Variants in NAALADL2 observed in about 807,000 individuals in gnomAD.
The protein encoded by NAALADL2 is inactive N-acetylated-alpha-linked acidic dipeptidase-like protein 2.
A neutral mutation model predicts 87.2 loss-of-function variants in NAALADL2; 76 were observed. The ratio of observed to expected loss-of-function variants is 0.87; its 90% CI spans 0.72 to 1.05. NAALADL2 has a LOEUF of 1.05. Among genes scored for constraint, NAALADL2 ranks in the 50% least tolerant of loss-of-function variants. The probability of loss-of-function intolerance (pLI) is 0.00; values close to 1 mark genes in which losing one functional copy is unlikely to be tolerated. For synonymous variants in NAALADL2, 354 were observed against 331.0 expected, an observed-to-expected ratio of 1.07 and a Z score of -0.75; for missense variants, 1,089 against 945.8, an observed-to-expected ratio of 1.15 and a Z score of -1.99.
At chr3:174,896,116 G>A (rs941371585) in intron 1 of NAALADL2, among the ~76,000 whole-genome samples, 16 of 151,910 alleles carry the variant, frequency 1.1e-4, no homozygotes, top group Admixed American at 3.9e-4. Flanking sequence ...CACTAAAACC[G>A]GAACAAGCCA....
At chr3:175,242,335 A>T (rs1302499691) in intron 3 of NAALADL2, 1 of 152,216 alleles carries the variant, frequency 6.6e-6, no homozygotes, top group East Asian at 1.9e-4. Context: ...GTTTTAATTT[A>T]TACAAAATGC....
chr3:174,924,239 G>A (rs2108372163), intron 1 of NAALADL2, among the ~76,000 whole-genome samples: 1 of 123,206 alleles, frequency 8.1e-6, no homozygotes, highest in South Asian at 2.6e-4. Context: ...AGGCCCCGGT[G>A]CGTGATGTCC....
rs10662446 is a variant in NAALADL2, at chr3:175,036,804, C to CTTTTT, written c.44-59970_44-59966dup. On this transcript the variant is annotated intron_variant, in intron 1 of 13. Coordinates refer to ENST00000454872, the MANE Select transcript of NAALADL2 (RefSeq NM_207015.3). ...CCAGTGTCATATTTTTCCATCTGTT[C>CTTTTT]TTTTTTTTTTTTTTTTTTTTAGCGT... Among the ~76,000 whole-genome samples the CTTTTT allele has an allele frequency of 1.9e-3, 218 of 117,326 alleles. 4 individuals carry two copies. The highest frequency in any genetic ancestry group is 5.0e-3 in the African/African-American group (151 of 30,440). The allele number at this position is 117,326 out of a possible 152,430, so 77.0% of individuals were successfully genotyped here. A position where few individuals can be genotyped will look rare whatever the true frequency, so the allele number is the denominator to read the frequency against.
At chr3:175,197,902 A>G (rs1397722876) in intron 2 of NAALADL2, among the ~76,000 whole-genome samples, 1 of 152,076 alleles carries the variant, frequency 6.6e-6, no homozygotes, top group Admixed American at 6.6e-5. Context: ...TGAACCCTGC[A>G]ACACAGTGCA....
intron 13 of NAALADL2, among the ~76,000 whole-genome samples, chr3:175,757,081 C>A (rs1384753076): frequency 1.3e-5 from 2 of 151,346 alleles, no homozygotes; most frequent in Non-Finnish European, 3.0e-5. Context: ...AAATTTGTGG[C>A]CCTTTAAGAA....
intron 3 of NAALADL2, among the ~76,000 whole-genome samples, chr3:174,832,941 G>C (rs77122793): frequency 6.6e-6 from 1 of 152,064 alleles, no homozygotes; most frequent in South Asian, 2.1e-4. Flanking sequence ...ATGTATATTA[G>C]CATTTATATT....
intron 5 of NAALADL2, among the ~76,000 whole-genome samples, chr3:175,368,928 A>G (rs138120547): frequency 1.7e-3 from 262 of 152,274 alleles, no homozygotes; most frequent in Admixed American, 4.2e-3. Flanking sequence ...ACCCCTGTAT[A>G]GGGCACTTTT....
chr3:175,058,739 G>A (rs1404290304), intron 1 of NAALADL2, among the ~76,000 whole-genome samples: 1 of 152,176 alleles, frequency 6.6e-6, no homozygotes, highest in Non-Finnish European at 1.5e-5. Context: ...TGAGGTCTAA[G>A]GAAAGGCTTT....
chr3:174,992,048 G>A lies in NAALADL2; in HGVS notation c.44-104742G>A, dbSNP rs554004974. ...AACTCCATGATTTAAATGGCATAGTGAGCCATTAGAGCAATTACTTTTGGT... is the reference window on the plus strand; with the variant it reads ...AACTCCATGATTTAAATGGCATAGTAAGCCATTAGAGCAATTACTTTTGGT... On this transcript the variant is annotated intron_variant, in intron 1 of 13. Coordinates refer to ENST00000454872, the MANE Select transcript of NAALADL2 (RefSeq NM_207015.3). Among the ~76,000 whole-genome samples, 25 of 152,016 alleles carry A rather than the reference G, an allele frequency of 1.6e-4. No individual in the cohort carries two copies. In the South Asian group the frequency reaches 4.1e-3, roughly 25 times the overall value.
chr3:175,569,342 T>C (rs1717684322), intron 9 of NAALADL2, among the ~76,000 whole-genome samples: 2 of 152,220 alleles, frequency 1.3e-5, no homozygotes, highest in Non-Finnish European at 2.9e-5. Flanking sequence ...GTTTAATTTT[T>C]CACTAGTTCT....
intron 1 of NAALADL2, among the ~76,000 whole-genome samples, chr3:174,533,972 C>A (rs1280336878): frequency 1.3e-5 from 2 of 152,104 alleles, no homozygotes; most frequent in South Asian, 2.1e-4. Flanking sequence ...TTAAAAAACT[C>A]ATTTTTCTCT....
chr3:175,368,745 A>C (rs943550710), intron 5 of NAALADL2, among the ~76,000 whole-genome samples: 1 of 152,096 alleles, frequency 6.6e-6, no homozygotes, highest in African/African-American at 2.4e-5. Flanking sequence ...TAGCCTCCTA[A>C]ACAACTAGGT....
intron 1 of NAALADL2, among the ~76,000 whole-genome samples, chr3:174,935,179 G>A (rs547914742): frequency 5.9e-5 from 9 of 151,706 alleles, no homozygotes; most frequent in African/African-American, 1.9e-4. Flanking sequence ...AAAAAAAAAT[G>A]TTCACTTTCA....
chr3:174,631,752 C>A (rs981886050), intron 2 of NAALADL2: 1 of 152,118 alleles, frequency 6.6e-6, no homozygotes, highest in African/African-American at 2.4e-5. Flanking sequence ...AAATAAAGTC[C>A]TTACATAAGC....
intron 10 of NAALADL2, among the ~76,000 whole-genome samples, chr3:175,622,865 A>G (rs1726420009): frequency 6.6e-6 from 1 of 152,188 alleles, no homozygotes; most frequent in South Asian, 2.1e-4. Context: ...GAGACAGCAG[A>G]CAAGGTTTTA....
At chr3:175,409,091 T>G (rs905012077) in intron 5 of NAALADL2, among the ~76,000 whole-genome samples, 2 of 151,984 alleles carry the variant, frequency 1.3e-5, no homozygotes, top group African/African-American at 4.8e-5. Flanking sequence ...CTTAAATGAC[T>G]TTTTTACACA....
intron 3 of NAALADL2, among the ~76,000 whole-genome samples, chr3:174,774,919 C>CT (rs1470244958): frequency 1.3e-5 from 2 of 152,102 alleles, no homozygotes; most frequent in Non-Finnish European, 2.9e-5. Context: ...ATTTTACATA[C>CT]TTGGCTGTTG....
chr3:174,694,039 G>A (rs1055947317), intron 2 of NAALADL2, among the ~76,000 whole-genome samples: 9 of 152,074 alleles, frequency 5.9e-5, no homozygotes, highest in Admixed American at 4.6e-4. Context: ...CTTTCCACAA[G>A]TCTTACATAC....
chr3:174,472,445 G>A (rs1177707715), intron 1 of NAALADL2, among the ~76,000 whole-genome samples: 1 of 152,196 alleles, frequency 6.6e-6, no homozygotes, highest in Non-Finnish European at 1.5e-5. Flanking sequence ...ATGAGTGTGA[G>A]TGTATGTGTG....
Sources: gnomAD v4.1 joint callset for allele counts (sites outside exome capture counted in the v4.1 genomes callset) on GRCh38, gnomAD v4.1.1 for gene constraint, MANE v1.5 for transcripts, NCBI Gene and HGNC (gene_info 2026-07-23, HGNC 2026-07-21) for gene names.